Variants in SGCZ observed in about 807,000 individuals in gnomAD.
SGCZ encodes the protein zeta-sarcoglycan.
A neutral mutation model predicts 41.3 loss-of-function variants in SGCZ; 40 were observed. The observed-to-expected ratio is 0.97, with a 90% CI of 0.75 to 1.26. The LOEUF is 1.26. Among genes scored for constraint, SGCZ ranks in the 50% most tolerant of loss-of-function variants. SGCZ has a pLI of 0.00. For missense variants in SGCZ, 552 were observed against 369.8 expected, an observed-to-expected ratio of 1.49 and a Z score of -4.04; for synonymous variants, 206 against 137.5, an observed-to-expected ratio of 1.50 and a Z score of -3.49.
intron 1 of SGCZ, among the ~76,000 whole-genome samples, chr8:15,025,990 T>A (rs1803443872): frequency 6.6e-6 from 1 of 152,198 alleles, no homozygotes. Context: ...CTGATACACC[T>A]AGTTTTAAAA....
At chr8:14,736,818 T>C (rs1563235403) in intron 1 of SGCZ, among the ~76,000 whole-genome samples, 1 of 152,058 alleles carries the variant, frequency 6.6e-6, no homozygotes. Context: ...GTTCTTTTTT[T>C]ATGGCTGAGT....
chr8:14,365,097 G>A (rs898656354), intron 2 of SGCZ, among the ~76,000 whole-genome samples: 1 of 151,882 alleles, frequency 6.6e-6, no homozygotes, highest in African/African-American at 2.4e-5. Flanking sequence ...TAAACAGCAT[G>A]CCCTTTTCAC....
At chr8:15,198,397 G>A (rs4831328) in intron 1 of SGCZ, among the ~76,000 whole-genome samples, 55,783 of 151,784 alleles carry the variant, frequency 0.37, 11,807 homozygotes, top group Non-Finnish European at 0.46. Flanking sequence ...AAATTTCACA[G>A]GGCCTTTAGG....
intron 1 of SGCZ, among the ~76,000 whole-genome samples, chr8:14,911,525 C>G (rs905683048): frequency 6.6e-6 from 1 of 151,980 alleles, no homozygotes; most frequent in Non-Finnish European, 1.5e-5. Context: ...CTACCAATCA[C>G]TAGTTAATTT....
intron 1 of SGCZ, among the ~76,000 whole-genome samples, chr8:14,894,558 G>A (rs991438707): frequency 2.0e-5 from 3 of 152,104 alleles, no homozygotes; most frequent in African/African-American, 7.2e-5. Context: ...GCTTATCTTT[G>A]CTTCAGATGA....
At chr8:14,474,660 T>C (rs945531230) in intron 2 of SGCZ, among the ~76,000 whole-genome samples, 3 of 152,232 alleles carry the variant, frequency 2.0e-5, no homozygotes, top group East Asian at 1.9e-4. Flanking sequence ...TTTTCTAAAT[T>C]ACATATTGCA....
intron 1 of SGCZ, among the ~76,000 whole-genome samples, chr8:15,176,769 A>C (rs764055359): frequency 6.6e-6 from 1 of 152,200 alleles, no homozygotes; most frequent in Non-Finnish European, 1.5e-5. Context: ...TGGGAGGCCG[A>C]GGTGGGCGGA....
At chr8:15,120,265 T>C (rs899892527) in intron 1 of SGCZ, among the ~76,000 whole-genome samples, 1 of 152,258 alleles carries the variant, frequency 6.6e-6, no homozygotes, top group Non-Finnish European at 1.5e-5. Flanking sequence ...CAAAAAGCTA[T>C]GTTTAAGCCT....
chr8:14,589,694 G>C (rs1805179761), intron 1 of SGCZ, among the ~76,000 whole-genome samples: 1 of 152,102 alleles, frequency 6.6e-6, no homozygotes, highest in Non-Finnish European at 1.5e-5. Context: ...ATTTCCTTCA[G>C]TGGACTACAA....
chr8:14,489,744 G>A (rs1350866699), intron 2 of SGCZ, among the ~76,000 whole-genome samples: 1 of 151,970 alleles, frequency 6.6e-6, no homozygotes, highest in African/African-American at 2.4e-5. Context: ...GTCTCTGTGA[G>A]AGGTTAGGAA....
chr8:15,153,277 G>A (rs530381582), intron 1 of SGCZ, among the ~76,000 whole-genome samples: 1 of 152,270 alleles, frequency 6.6e-6, no homozygotes, highest in South Asian at 2.1e-4. Context: ...TTGAGCTGCT[G>A]CAACTAAAAC....
chr8:14,777,371 C>T lies in SGCZ; in HGVS notation c.40-222445G>A, dbSNP rs904106236. ...AAAGAGAAAGCTGAATAAAAAAATA[C>T]GTCAGTATTTTCTATACACTTCAGG... On this transcript the variant is annotated intron_variant, in intron 1 of 7. Coordinates refer to ENST00000382080, the MANE Select transcript of SGCZ (RefSeq NM_139167.4). Among the ~76,000 whole-genome samples the T allele has an allele frequency of 9.9e-5, 15 of 152,060 alleles. No homozygotes were observed. The South Asian group carries it at 1.2e-3, about 13-fold the overall frequency.
chr8:15,047,068 G>A (rs985020924), intron 1 of SGCZ, among the ~76,000 whole-genome samples: 5 of 151,836 alleles, frequency 3.3e-5, no homozygotes, highest in African/African-American at 1.2e-4. Context: ...TAGTTCTAAG[G>A]CTTTGATGGA....
At chr8:14,491,170 G>T (rs186012248) in intron 2 of SGCZ, among the ~76,000 whole-genome samples, 2 of 152,034 alleles carry the variant, frequency 1.3e-5, no homozygotes, top group Non-Finnish European at 2.9e-5. Context: ...TATGAAGCAG[G>T]TATGTAGGAA....
intron 4 of SGCZ, among the ~76,000 whole-genome samples, chr8:14,196,286 G>T (rs573126111): frequency 6.7e-6 from 1 of 149,168 alleles, no homozygotes. Flanking sequence ...TTTTAAAGAC[G>T]GAGTTTCGCT....
intron 1 of SGCZ, among the ~76,000 whole-genome samples, chr8:14,780,571 A>AT (rs1778478322): frequency 3.3e-5 from 5 of 152,126 alleles, no homozygotes; most frequent in Admixed American, 6.5e-5. Flanking sequence ...GGAATGAAAA[A>AT]AATACTGAAG....
At chr8:14,465,220 C>T (rs1801015724) in intron 2 of SGCZ, among the ~76,000 whole-genome samples, 1 of 151,532 alleles carries the variant, frequency 6.6e-6, no homozygotes, top group Non-Finnish European at 1.5e-5. Flanking sequence ...GTCCTGTCAA[C>T]TTTTGCCTCA....
chr8:14,981,690 A>G (rs368703229), intron 1 of SGCZ, among the ~76,000 whole-genome samples: 1 of 152,218 alleles, frequency 6.6e-6, no homozygotes, highest in African/African-American at 2.4e-5. Context: ...TTCTATGAAC[A>G]GGATGTGTAT....
intron 1 of SGCZ, among the ~76,000 whole-genome samples, chr8:15,121,623 A>G (rs1807480967): frequency 1.3e-5 from 2 of 152,184 alleles, no homozygotes; most frequent in African/African-American, 4.8e-5. Flanking sequence ...AGAAACAGAA[A>G]AGAAATGCAT....
Sources: gnomAD v4.1 joint callset for allele counts (sites outside exome capture counted in the v4.1 genomes callset) on GRCh38, gnomAD v4.1.1 for gene constraint, MANE v1.5 for transcripts, NCBI Gene and HGNC (gene_info 2026-07-23, HGNC 2026-07-21) for gene names.